Variants in PPARGC1B observed in about 807,000 individuals in gnomAD.
PPARGC1B encodes the protein peroxisome proliferator-activated receptor gamma coactivator 1-beta.
Under a neutral mutation model 101.6 loss-of-function variants are expected in PPARGC1B, and 34 were observed. That is an observed-to-expected ratio of 0.33 (90% CI 0.25 to 0.45). The LOEUF (loss-of-function observed/expected upper bound fraction) is 0.45. Ranked by LOEUF, PPARGC1B falls within the 20% of genes least tolerant of loss-of-function variation. The pLI is 1.00. For missense variants in PPARGC1B, 1,234 were observed against 1,317.6 expected (o/e 0.94, Z 0.98); for synonymous variants, 548 against 539.3 (o/e 1.02, Z -0.22).
chr5:149,793,046 C>A (rs779049996), intron 1 of PPARGC1B, among the ~76,000 whole-genome samples: 2 of 151,884 alleles, frequency 1.3e-5, no homozygotes, highest in African/African-American at 2.4e-5. Flanking sequence ...TTCATCCAGG[C>A]GGAGGAGAGG....
intron 1 of PPARGC1B, among the ~76,000 whole-genome samples, chr5:149,810,665 T>C (rs1489867089): frequency 3.3e-5 from 5 of 152,226 alleles, no homozygotes; most frequent in Admixed American, 6.5e-5. Flanking sequence ...GGATCTAATG[T>C]AGAACTTTTG....
chr5:149,832,745 G>T lies in PPARGC1B; in HGVS notation c.672G>T (p.Gln224His). The change falls in exon 5 of 12, where the codon CAG becomes CAT. Residue 224 changes from glutamine (Q) to histidine (H), a missense_variant. Coordinates refer to ENST00000309241, the MANE Select transcript of PPARGC1B (RefSeq NM_133263.4). This position sits in a 1 kb window ranked among gnomAD's most constrained non-coding sequence, Gnocchi z 4.9. ...TELHKHLTSA[Q>H]CCLQDRGLQP... The stretch of plus-strand genomic sequence containing the variant: ...TACATAAGCACCTCACCTCGGCACA[G>T]TGCTGCCTGCAGGATCGGGGTCTGC... 4 of 1,612,030 alleles carry T rather than the reference G, an allele frequency of 2.5e-6. No homozygotes were observed. In the South Asian group the frequency reaches 4.4e-5, roughly 18 times the overall value.
chr5:149,785,653 A>G (rs1756776125), intron 1 of PPARGC1B, among the ~76,000 whole-genome samples: 1 of 152,196 alleles, frequency 6.6e-6, no homozygotes, highest in Non-Finnish European at 1.5e-5. Context: ...CCCGTTCTTC[A>G]TGCACAAAGA....
intron 1 of PPARGC1B, among the ~76,000 whole-genome samples, chr5:149,746,201 C>T (rs1161607672): frequency 3.9e-5 from 6 of 152,134 alleles, no homozygotes; most frequent in Non-Finnish European, 5.9e-5. Context: ...TTCCCTCTGC[C>T]GGCAACGCTC....
chr5:149,817,811 C>T, intron 1 of PPARGC1B: 1 of 456,736 alleles, frequency 2.2e-6, no homozygotes, highest in Non-Finnish European at 4.4e-6. Context: ...AAACAGTTTT[C>T]TGTTTTATAA....
chr5:149,828,322 A>C (rs1419664748), intron 3 of PPARGC1B, among the ~76,000 whole-genome samples: 1 of 152,174 alleles, frequency 6.6e-6, no homozygotes, highest in African/African-American at 2.4e-5. Context: ...CCTGCCATTT[A>C]GTACTTGTAT....
At chr5:149,750,782 GA>G (rs1481083412) in intron 1 of PPARGC1B, among the ~76,000 whole-genome samples, 1 of 152,230 alleles carries the variant, frequency 6.6e-6, no homozygotes, top group Non-Finnish European at 1.5e-5. Context: ...CCAGCTGCTG[GA>G]TTTTGCAGCC....
At chr5:149,778,003 TC>T (rs59376962) in intron 1 of PPARGC1B, among the ~76,000 whole-genome samples, 9,311 of 28,294 alleles carry the variant, frequency 0.33, 1,639 homozygotes, top group Middle Eastern at 0.45. Context: ...GTGCCCCCCT[TC>T]CCCCCCCCAC....
chr5:149,771,674 A>C (rs746707702), intron 1 of PPARGC1B, among the ~76,000 whole-genome samples: 2 of 152,212 alleles, frequency 1.3e-5, no homozygotes, highest in Admixed American at 6.5e-5. Flanking sequence ...TTCCTCTGCC[A>C]GTTTTCATGA....
At chr5:149,766,509 T>A (rs1755917442) in intron 1 of PPARGC1B, among the ~76,000 whole-genome samples, 1 of 152,212 alleles carries the variant, frequency 6.6e-6, no homozygotes, top group African/African-American at 2.4e-5. Context: ...GTAACTTGCC[T>A]GATAACACAG....
chr5:149,731,980 C>T (rs1754498522), intron 1 of PPARGC1B, among the ~76,000 whole-genome samples: 1 of 151,940 alleles, frequency 6.6e-6, no homozygotes, highest in South Asian at 2.1e-4. Context: ...GCCGGAGGGG[C>T]TAGTGGCGTG....
chr5:149,839,323 C>A (rs32574), intron 8 of PPARGC1B, among the ~76,000 whole-genome samples: 49,177 of 152,036 alleles, frequency 0.32, 8,852 homozygotes, highest in African/African-American at 0.48. Context: ...TGGGGCCAAG[C>A]TTCAAACTCA....
intron 1 of PPARGC1B, among the ~76,000 whole-genome samples, chr5:149,816,816 G>A (rs1164985455): frequency 6.6e-6 from 1 of 152,132 alleles, no homozygotes; most frequent in East Asian, 1.9e-4. Flanking sequence ...GCCCTCCCTT[G>A]TGTCCCACAG....
chr5:149,805,342 G>T (rs759814), intron 1 of PPARGC1B, among the ~76,000 whole-genome samples: 17,387 of 152,224 alleles, frequency 0.11, 1,294 homozygotes, highest in Admixed American at 0.23. Context: ...TGGAAAATAG[G>T]TACGTGTATA....
intron 1 of PPARGC1B, among the ~76,000 whole-genome samples, chr5:149,750,476 A>ATATATATATATATATATATG (rs1329559486): frequency 1.4e-4 from 16 of 118,184 alleles, no homozygotes; most frequent in Non-Finnish European, 2.2e-4. Flanking sequence ...ATATATATAT[A>ATATATATATATATATATATG]TATATATATA....
Position 149,834,689 on chromosome 5 carries a change from T to C in PPARGC1B, c.1721T>C (p.Leu574Pro), listed in dbSNP as rs1758969001. ...QLPPRDSPRC[L>P]MLALSQSDPT... Reference sequence around the variant, plus strand: ...TTCTTTTCAGACTCTCCCAGGTGCCTCATGCTGGCCTTGTCACAAAGGTAG... The same window carrying C: ...TTCTTTTCAGACTCTCCCAGGTGCCCCATGCTGGCCTTGTCACAAAGGTAG... The change falls in exon 6 of 12, where the codon CTC becomes CCC. Residue 574 changes from leucine (L) to proline (P), a missense_variant. By Grantham distance (98) the Leu-to-Pro change is moderately conservative (BLOSUM62 -3). This residue lies in a region of PPARGC1B where 734 missense variants were observed against 768.4 expected (regional missense o/e 0.96). Transcript: ENST00000309241. 1 of 1,613,574 alleles carries C rather than the reference T, an allele frequency of 6.2e-7. No homozygotes were observed. The highest frequency in any genetic ancestry group is 1.7e-5 in the Admixed American group (1 of 60,008).
chr5:149,824,446 T>C (rs1264515873), intron 2 of PPARGC1B, among the ~76,000 whole-genome samples: 1 of 152,202 alleles, frequency 6.6e-6, no homozygotes, highest in African/African-American at 2.4e-5. Context: ...CTAAGCACTC[T>C]ACAAAGCACT....
intron 1 of PPARGC1B, among the ~76,000 whole-genome samples, chr5:149,800,355 C>T (rs1247352902): frequency 2.6e-5 from 4 of 152,106 alleles, no homozygotes; most frequent in Admixed American, 1.3e-4. Context: ...CATTGCAGGT[C>T]GCTAGAAAGA....
In PPARGC1B at chr5:149,845,783, C is replaced by T. The variant is rs1178474177; in HGVS notation, c.2840C>T (p.Thr947Ile). 2 of 1,613,000 alleles carry T rather than the reference C, an allele frequency of 1.2e-6. No homozygotes were observed. Among genetic ancestry groups the T allele is most frequent in the East Asian group, 2.2e-5 (1 of 44,802 alleles). ...NRRGEKYGFI[T>I]YRCSEHAALS... The stretch of plus-strand genomic sequence containing the variant: ...AGAGGCGAGAAGTACGGCTTCATCA[C>T]CTACCGGTGTTCTGAGCACGCGGCC... The change falls in exon 11 of 12, where the codon ACC becomes ATC. Residue 947 changes from threonine (T) to isoleucine (I), a missense_variant. Thr to Ile is a moderately conservative substitution (Grantham distance 89, BLOSUM62 -1). This residue lies in a region of PPARGC1B where 497 missense variants were observed against 529.5 expected (regional missense o/e 0.94). Coordinates refer to ENST00000309241, the MANE Select transcript of PPARGC1B (RefSeq NM_133263.4).
Sources: allele counts gnomAD v4.1 joint callset (sites outside exome capture counted in the v4.1 genomes callset), GRCh38; gene constraint gnomAD v4.1.1; regional missense constraint gnomAD v4.1.1; non-coding constraint Gnocchi (gnomAD v3.1); transcripts MANE v1.5; gene names NCBI Gene and HGNC (gene_info 2026-07-23, HGNC 2026-07-21).